ANK2: variants seen among roughly 807,000 people sequenced by gnomAD.
ANK2 encodes the protein ankyrin 2, also known as ankyrin-2.
Under a neutral mutation model 360.5 loss-of-function variants are expected in ANK2, and 83 were observed. The ratio of observed to expected loss-of-function variants is 0.23; its 90% CI spans 0.19 to 0.28. The LOEUF (loss-of-function observed/expected upper bound fraction) is 0.28. Among genes scored for constraint, ANK2 ranks in the 10% least tolerant of loss-of-function variants. ANK2 has a pLI of 1.00. For synonymous variants in ANK2, 1,740 were observed against 1,759.5 expected (o/e 0.99, Z 0.28); for missense variants, 4,201 against 4,795.7 (o/e 0.88, Z 3.66).
intron 2 of ANK2, among the ~76,000 whole-genome samples, chr4:113,177,115 A>T (rs146206946): frequency 9.0e-4 from 137 of 152,222 alleles, no homozygotes; most frequent in Admixed American, 3.5e-3. Context: ...ACGTAAACTT[A>T]GGTTTCCAGG....
At chr4:113,185,384 T>C (rs1475277945) in intron 2 of ANK2, among the ~76,000 whole-genome samples, 1 of 152,246 alleles carries the variant, frequency 6.6e-6, no homozygotes, top group Non-Finnish European at 1.5e-5. Flanking sequence ...TGTTGTTTCC[T>C]GACTTTTTAG....
intron 1 of ANK2, among the ~76,000 whole-genome samples, chr4:113,144,970 G>A (rs2096775424): frequency 6.6e-6 from 1 of 151,628 alleles, no homozygotes; most frequent in African/African-American, 2.4e-5. Context: ...CATCTCAGTG[G>A]GAAACAATTT....
intron 25 of ANK2, 51 bp downstream of exon 25, chr4:113,317,860 ATTAT>A (rs1314378846): frequency 7.0e-7 from 1 of 1,436,388 alleles, no homozygotes; most frequent in Admixed American, 1.7e-5. Flanking sequence ...GCTTTGTAAC[ATTAT>A]TGGATGCTAG....
chr4:112,883,307 G>A (rs2077313561), intron 1 of ANK2, among the ~76,000 whole-genome samples: 2 of 151,902 alleles, frequency 1.3e-5, no homozygotes, highest in Non-Finnish European at 2.9e-5. Flanking sequence ...CCAAAGTGCT[G>A]GGATTACAGG....
intron 1 of ANK2, among the ~76,000 whole-genome samples, chr4:113,164,542 G>T (rs893415016): frequency 1.3e-5 from 2 of 152,192 alleles, no homozygotes; most frequent in African/African-American, 2.4e-5. Flanking sequence ...AGCTGCTTCT[G>T]ATTGAGTGAT....
chr4:113,368,433 A>G (rs1248122743), intron 42 of ANK2, among the ~76,000 whole-genome samples: 2 of 152,204 alleles, frequency 1.3e-5, no homozygotes, highest in East Asian at 3.8e-4. Context: ...GACTATTAAA[A>G]TGAGTTGGAA....
intron 1 of ANK2, among the ~76,000 whole-genome samples, chr4:113,119,030 G>A (rs543465842): frequency 1.3e-5 from 2 of 152,190 alleles, no homozygotes; most frequent in South Asian, 2.1e-4. Flanking sequence ...CTGAAAAACT[G>A]TACTGTTAAA....
At chr4:112,876,806 T>C (rs1399311162) in intron 1 of ANK2, among the ~76,000 whole-genome samples, 3 of 152,192 alleles carry the variant, frequency 2.0e-5, no homozygotes, top group African/African-American at 7.2e-5. Flanking sequence ...ACTATTCTAA[T>C]ATTCATTTTC....
chr4:112,938,298 T>G (rs1360726537), intron 2 of ANK2, among the ~76,000 whole-genome samples: 1 of 152,188 alleles, frequency 6.6e-6, no homozygotes, highest in Non-Finnish European at 1.5e-5. Flanking sequence ...AAAGGTGAAC[T>G]AAAGCTAGGA....
chr4:113,122,887 C>T (rs1484602318), intron 1 of ANK2, among the ~76,000 whole-genome samples: 1 of 151,484 alleles, frequency 6.6e-6, no homozygotes, highest in Admixed American at 6.6e-5. Flanking sequence ...TCTTCACCAG[C>T]ACCATAAAGC....
Position 113,358,095 on chromosome 4 carries a change from G to A in ANK2, c.9477G>A (p.Leu3159=). ...CTACTGGGGCTGATCCCCTACCGCT[G>A]GAGACATCAGCTGAATCACTAGCAC... ...EGATGADPLP[L]ETSAESLALS... is the part of the protein sequence containing the mutation. Residue 3159 remains leucine (L), a synonymous_variant, in exon 38 of 46, where the codon CTG becomes CTA. Transcript: ENST00000357077. 6.2e-7 allele frequency: 1 copy of A among 1,614,064 alleles called. No individual in the cohort carries two copies. Among genetic ancestry groups the A allele is most frequent in the Non-Finnish European group, 8.5e-7 (1 of 1,179,964 alleles).
chr4:113,219,316 C>T (rs2099122660), intron 4 of ANK2, among the ~76,000 whole-genome samples: 1 of 151,836 alleles, frequency 6.6e-6, no homozygotes, highest in African/African-American at 2.4e-5. Flanking sequence ...TAGACATTTT[C>T]ATTACTTTTA....
At position 113,335,867 on chromosome 4, in the gene ANK2, T is replaced by C; in HGVS notation, c.3401T>C (p.Leu1134Pro). 6.2e-7 allele frequency: 1 copy of C among 1,614,156 alleles called. No individual in the cohort carries two copies. The highest frequency in any genetic ancestry group is 8.5e-7 in the Non-Finnish European group (1 of 1,180,012). ...MDEVLDSPED[L>P]EKKRICRIIT... is the part of the protein sequence containing the mutation. ...TTAGTACTGGATAGCCCAGAAGACCTAGAAAAGAAACGAATCTGCCGCATC... is the reference window on the plus strand; with the variant it reads ...TTAGTACTGGATAGCCCAGAAGACCCAGAAAAGAAACGAATCTGCCGCATC... Residue 1134 changes from leucine (L) to proline (P), a missense_variant, in exon 30 of 46, where the codon CTA becomes CCA. This residue lies in a region of ANK2 where 1,268 missense variants were observed against 1,650.8 expected (regional missense o/e 0.77). Coordinates refer to ENST00000357077, the MANE Select transcript of ANK2 (RefSeq NM_001148.6).
At chr4:113,137,566 C>G (rs556555333) in intron 1 of ANK2, among the ~76,000 whole-genome samples, 1 of 152,246 alleles carries the variant, frequency 6.6e-6, no homozygotes, top group South Asian at 2.1e-4. Flanking sequence ...AATAATTGCT[C>G]TTAAAGAAGA....
intron 2 of ANK2, among the ~76,000 whole-genome samples, chr4:113,042,196 G>A (rs2063127739): frequency 6.6e-6 from 1 of 152,100 alleles, no homozygotes; most frequent in African/African-American, 2.4e-5. Context: ...TCTTCAGTTG[G>A]CACATCCATC....
At chr4:113,259,206 G>A (rs1273239236) in intron 13 of ANK2, among the ~76,000 whole-genome samples, 1 of 152,042 alleles carries the variant, frequency 6.6e-6, no homozygotes, top group African/African-American at 2.4e-5. Context: ...ATGTTCTCCT[G>A]AGCAAGAGAA....
chr4:113,264,850 A>G (rs983664969), intron 13 of ANK2, 47 bp from the exon 14 acceptor site: 4 of 1,532,370 alleles, frequency 2.6e-6, no homozygotes, highest in Admixed American at 2.0e-5. Flanking sequence ...TTTACCATCC[A>G]GAGCGGTGGG....
chr4:112,986,628 C>T (rs930332891), intron 2 of ANK2, among the ~76,000 whole-genome samples: 1 of 152,176 alleles, frequency 6.6e-6, no homozygotes, highest in African/African-American at 2.4e-5. Context: ...TGTATAACTA[C>T]AACAGATATC....
intron 4 of ANK2, among the ~76,000 whole-genome samples, chr4:113,204,754 G>A (rs890960651): frequency 2.6e-5 from 4 of 152,012 alleles, no homozygotes; most frequent in African/African-American, 9.7e-5. Flanking sequence ...CCTTCTACTT[G>A]AATTAGGGAA....
Sources: allele counts gnomAD v4.1 joint callset (sites outside exome capture counted in the v4.1 genomes callset), GRCh38; gene constraint gnomAD v4.1.1; regional missense constraint gnomAD v4.1.1; transcripts MANE v1.5; gene names NCBI Gene and HGNC (gene_info 2026-07-23, HGNC 2026-07-21).